Variants in RPS6KC1 observed in about 807,000 individuals in gnomAD.
RPS6KC1 encodes the protein ribosomal protein S6 kinase C1.
RPS6KC1 carries 54 observed loss-of-function variants against 103.8 expected under a neutral mutation model. The ratio of observed to expected loss-of-function variants is 0.52; its 90% CI spans 0.42 to 0.65. The LOEUF (loss-of-function observed/expected upper bound fraction) is 0.65. RPS6KC1 is among the 30% of genes least tolerant of loss of function. The probability of loss-of-function intolerance (pLI) is 0.00; values close to 1 mark genes in which losing one functional copy is unlikely to be tolerated. For synonymous variants in RPS6KC1, 439 were observed against 438.7 expected (o/e 1.00, Z -0.01); for missense variants, 1,151 against 1,253.8 (o/e 0.92, Z 1.24).
chr1:213,100,072 C>T (rs1416539656), intron 3 of RPS6KC1, among the ~76,000 whole-genome samples: 1 of 152,086 alleles, frequency 6.6e-6, no homozygotes, highest in African/African-American at 2.4e-5. Context: ...ATTTGATATT[C>T]CCATCAACAA....
chr1:213,379,717 AG>A, the RPS6KC1 span, among the ~76,000 whole-genome samples: 1 of 152,208 alleles, frequency 6.6e-6, no homozygotes, highest in African/African-American at 2.4e-5. Flanking sequence ...GGTATCCTGC[AG>A]GCAACTGGAG....
the RPS6KC1 span, among the ~76,000 whole-genome samples, chr1:213,699,066 C>T: frequency 5.9e-5 from 9 of 152,098 alleles, no homozygotes; most frequent in African/African-American, 2.2e-4. Context: ...TCCAATTATA[C>T]TCTTCTAGTT....
chr1:213,792,799 T>C, the RPS6KC1 span, among the ~76,000 whole-genome samples: 3 of 152,190 alleles, frequency 2.0e-5, no homozygotes, highest in African/African-American at 7.2e-5. Context: ...CGGAGGTTCA[T>C]TTGGGACTGA....
intron 6 of RPS6KC1, among the ~76,000 whole-genome samples, chr1:213,157,992 T>C (rs907173280): frequency 2.0e-5 from 3 of 152,242 alleles, no homozygotes; most frequent in Non-Finnish European, 4.4e-5. Flanking sequence ...TTCTCTCTTA[T>C]GATTACTTTT....
chr1:213,545,411 T>TAAATAAATAAATAAAAA, the RPS6KC1 span, among the ~76,000 whole-genome samples: 3 of 75,256 alleles, frequency 4.0e-5, no homozygotes, highest in Non-Finnish European at 9.4e-5. Context: ...AATAAATAAA[T>TAAATAAATAAATAAAAA]AAATAAAATA....
At chr1:213,107,933 A>C (rs2082651271) in intron 4 of RPS6KC1, among the ~76,000 whole-genome samples, 1 of 152,126 alleles carries the variant, frequency 6.6e-6, no homozygotes, top group East Asian at 1.9e-4. Context: ...CTTTGGTGAA[A>C]TGTCCATTAA....
At chr1:213,432,012 T>C in the RPS6KC1 span, among the ~76,000 whole-genome samples, 6,725 of 152,286 alleles carry the variant, frequency 0.044, 164 homozygotes, top group African/African-American at 0.06. Flanking sequence ...CTGTATCTCA[T>C]TGCAGTTTCA....
the RPS6KC1 span, among the ~76,000 whole-genome samples, chr1:213,775,240 C>T: frequency 1.6e-4 from 24 of 152,028 alleles, no homozygotes; most frequent in Non-Finnish European, 3.2e-4. Flanking sequence ...TATAAATGTA[C>T]ACTTATACAT....
chr1:213,655,906 C>T, the RPS6KC1 span, among the ~76,000 whole-genome samples: 6 of 152,130 alleles, frequency 3.9e-5, no homozygotes, highest in African/African-American at 1.2e-4. Flanking sequence ...CTCAGAAGTC[C>T]TCCCTAAGCC....
intron 4 of RPS6KC1, among the ~76,000 whole-genome samples, chr1:213,111,925 G>A (rs949506262): frequency 2.6e-5 from 4 of 152,126 alleles, no homozygotes; most frequent in Non-Finnish European, 5.9e-5. Context: ...TCTGAATATT[G>A]TAATAAAGTG....
At chr1:213,747,036 C>A in the RPS6KC1 span, among the ~76,000 whole-genome samples, 1 of 152,140 alleles carries the variant, frequency 6.6e-6, no homozygotes, top group Non-Finnish European at 1.5e-5. Flanking sequence ...TATTTGCATA[C>A]ACCTGATATT....
chr1:213,372,190 A>C, the RPS6KC1 span, among the ~76,000 whole-genome samples: 1 of 152,230 alleles, frequency 6.6e-6, no homozygotes, highest in Non-Finnish European at 1.5e-5. Context: ...GGACCTGTGC[A>C]GGTGGGTGCT....
chr1:213,852,058 C>T, the RPS6KC1 span, among the ~76,000 whole-genome samples: 1 of 152,194 alleles, frequency 6.6e-6, no homozygotes, highest in Non-Finnish European at 1.5e-5. Flanking sequence ...GCCCACTGTT[C>T]TCTCTCCTTA....
At chr1:213,403,319 G>A in the RPS6KC1 span, among the ~76,000 whole-genome samples, 1 of 152,062 alleles carries the variant, frequency 6.6e-6, no homozygotes, top group African/African-American at 2.4e-5. Flanking sequence ...GAAAGTGGGT[G>A]AGATCTGGGT....
chr1:213,181,620 A>G (rs1020808221), intron 8 of RPS6KC1, among the ~76,000 whole-genome samples: 1 of 152,250 alleles, frequency 6.6e-6, no homozygotes, highest in African/African-American at 2.4e-5. Flanking sequence ...ATCAATATTC[A>G]GGTATTTGCT....
At chr1:213,778,042 C>T in the RPS6KC1 span, among the ~76,000 whole-genome samples, 2 of 152,166 alleles carry the variant, frequency 1.3e-5, no homozygotes, top group Non-Finnish European at 2.9e-5. Flanking sequence ...AGCCAGGGTA[C>T]TCAGGCAGTC....
At chr1:213,588,980 T>C in the RPS6KC1 span, among the ~76,000 whole-genome samples, 1 of 152,106 alleles carries the variant, frequency 6.6e-6, no homozygotes, top group African/African-American at 2.4e-5. Context: ...CTCAGGAGCA[T>C]GGAGAAGCAG....
chr1:213,533,010 G>A, the RPS6KC1 span, among the ~76,000 whole-genome samples: 2 of 152,204 alleles, frequency 1.3e-5, no homozygotes, highest in African/African-American at 4.8e-5. Context: ...GTGTTACACA[G>A]GACCCTAATG....
At chr1:213,505,629 G>C in the RPS6KC1 span, among the ~76,000 whole-genome samples, 32,274 of 152,134 alleles carry the variant, frequency 0.21, 4,282 homozygotes, top group Middle Eastern at 0.33. Context: ...CATGTACACA[G>C]CATTTACCAT....
Sources: allele counts gnomAD v4.1 joint callset (sites outside exome capture counted in the v4.1 genomes callset), GRCh38; gene constraint gnomAD v4.1.1; transcripts MANE v1.5; gene names NCBI Gene and HGNC (gene_info 2026-07-23, HGNC 2026-07-21).